The following DCHS1 variants were observed in gnomAD, a reference collection of about 807,000 sequenced individuals.
The protein encoded by DCHS1 is protocadherin-16.
In DCHS1, 78 loss-of-function variants were observed where a neutral mutation model predicts 213.9. That is an observed-to-expected ratio of 0.36 (90% confidence interval 0.30 to 0.44). DCHS1 has a LOEUF of 0.44. DCHS1 is among the 20% of genes least tolerant of loss of function. DCHS1 has a pLI of 1.00. For missense variants in DCHS1, 3,946 were observed against 4,395.9 expected (o/e 0.90, Z 2.89); for synonymous variants, 1,828 against 1,873.7 (o/e 0.98, Z 0.63).
At chr11:6,648,771 AAGGACAATAATAATAC>A in intron 1 of DCHS1, among the ~76,000 whole-genome samples, 2 of 152,324 alleles carry the variant, frequency 1.3e-5, no homozygotes, top group East Asian at 3.9e-4. Context: ...ATTTATAAAT[AAGGACAATAATAATAC>A]CTACTACATT....
chr11:6,643,079 C>A (rs538430203), intron 1 of DCHS1, among the ~76,000 whole-genome samples: 1 of 152,086 alleles, frequency 6.6e-6, no homozygotes, highest in East Asian at 1.9e-4. Flanking sequence ...TGTCCTTAAC[C>A]GCTCAGAAAG....
rs751738610 is a variant in DCHS1, at chr11:6,623,398, G to C, written c.8278C>G (p.Leu2760Val). 3.8e-6 allele frequency: 6 copies of C among 1,596,064 alleles called. No homozygotes were observed. The South Asian group carries it at 5.7e-5, about 15-fold the overall frequency. ...CGCAACTCCCCTGTTGAGCTGTTCAGTGCAAATGCCTCACGGCCCTCAGGT... is the reference window on the plus strand; with the variant it reads ...CGCAACTCCCCTGTTGAGCTGTTCACTGCAAATGCCTCACGGCCCTCAGGT... The part of the protein sequence containing the change: ...PGPEGREAFA[L>V]NSSTGELRAR... The change falls in exon 21 of 21, where the codon CTG (leucine) becomes GTG (valine). Residue 2760 changes from leucine to valine, a missense_variant. By Grantham distance (32) the Leu-to-Val change is conservative. Coordinates refer to ENST00000299441, the MANE Select transcript of DCHS1 (RefSeq NM_003737.4).
rs200440963 is a variant in DCHS1 at position 6,632,036 on chromosome 11, T to G, written c.3476A>C (p.Gln1159Pro). 23 of 1,511,938 alleles carry G rather than the reference T, an allele frequency of 1.5e-5. No homozygotes were observed. The highest frequency in any genetic ancestry group is 1.9e-5 in the Non-Finnish European group (21 of 1,132,590). The allele number at this position is 1,511,938 out of a possible 1,614,324, so 93.7% of individuals were successfully genotyped here. ...EDSKAFRIHP[Q>P]TGEVTTLQTL... is the part of the protein sequence containing the mutation. Reference sequence around the variant, plus strand: ...ATTTGGGTCTCTGTGCTCACCAGTCTGGGGGTGGATGCGGAAGGCCTTGCT... The same window carrying G: ...ATTTGGGTCTCTGTGCTCACCAGTCGGGGGGTGGATGCGGAAGGCCTTGCT... Residue 1159 changes from glutamine (Q) to proline (P), a missense_variant, in exon 6 of 21, where the codon CAG becomes CCG. Around this residue, in one of 3 missense-constraint regions of DCHS1, gnomAD observed 3,384 missense variants for 3,780.1 expected, o/e 0.90. Transcript: ENST00000299441. This position sits in a 1 kb window ranked among gnomAD's most constrained non-coding sequence, Gnocchi z 5.9.
rs1855945062 is a variant in DCHS1 at position 6,633,571 on chromosome 11, C to A, written c.2296G>T (p.Gly766Cys). Residue 766 changes from glycine to cysteine, a missense_variant, in exon 5 of 21, where the codon GGT becomes TGT. Around this residue, in one of 3 missense-constraint regions of DCHS1, gnomAD observed 3,384 missense variants for 3,780.1 expected, o/e 0.90. Coordinates refer to ENST00000299441, the MANE Select transcript of DCHS1 (RefSeq NM_003737.4). ...GCACTGGGTTCTGCCTGTAGGCCAC[C>A]TCCGTCCTCAGCCCCGATCTCCAGC... ...VQLEIGAEDGGGLQAEPSARV... is the reference protein window; with the variant it reads ...VQLEIGAEDGCGLQAEPSARV... 6.3e-7 allele frequency: 1 copy of A among 1,592,788 alleles called. No individual in the cohort carries two copies. Among genetic ancestry groups the A allele is most frequent in the Non-Finnish European group, 8.5e-7 (1 of 1,169,664 alleles).
chr11:6,632,631 C>T lies in DCHS1; in HGVS notation c.2881G>A (p.Gly961Arg), dbSNP rs1855929826. ...RLMRPLGPSG[G>R]PAHELELEAR... ...TCCAGCTCCAGCTCATGGGCTGGCC[C>T]TCCTGAGGGCCCCAGAGGCCTCATA... Residue 961 changes from glycine (G) to arginine (R), a missense_variant, in exon 6 of 21, where the codon GGG (glycine) becomes AGG (arginine). Coordinates refer to ENST00000299441, the MANE Select transcript of DCHS1 (RefSeq NM_003737.4). The surrounding 1 kb of genome is among the most constrained non-coding windows in gnomAD (Gnocchi z 5.9). The T allele has an allele frequency of 1.9e-6, 3 of 1,550,270 alleles. No homozygotes were observed. The South Asian group carries it at 3.5e-5, about 18-fold the overall frequency.
chr11:6,623,059 C>A lies in DCHS1; in HGVS notation c.8617G>T (p.Asp2873Tyr). Reference sequence around the variant, plus strand: ...GTTCCGCTGCCTGGTGCCCGACTGTCCACCCGCAGGTACAGGGCTCCTGTA... The same window carrying A: ...GTTCCGCTGCCTGGTGCCCGACTGTACACCCGCAGGTACAGGGCTCCTGTA... The part of the protein sequence containing the change: ...QTTGALYLRV[D>Y]SRAPGSGTAT... The change falls in exon 21 of 21, where the codon GAC (aspartate) becomes TAC (tyrosine). Residue 2873 changes from aspartate to tyrosine, a missense_variant. Physicochemically the swap from Asp to Tyr is radical, Grantham distance 160. This residue lies in a region of DCHS1 where 554 missense variants were observed against 590.2 expected (regional missense o/e 0.94). Coordinates refer to ENST00000299441, the MANE Select transcript of DCHS1 (RefSeq NM_003737.4). 6.3e-7 allele frequency: 1 copy of A among 1,582,582 alleles called. No homozygotes were observed. Among genetic ancestry groups the A allele is most frequent in the South Asian group, 1.2e-5 (1 of 86,830 alleles).
At position 6,629,751 on chromosome 11, in the gene DCHS1, C is replaced by G. The variant is rs765972502; in HGVS notation, c.4956G>C (p.Gln1652His). 6.2e-6 allele frequency: 10 copies of G among 1,613,886 alleles called. No homozygotes were observed. The South Asian group carries it at 1.1e-4, about 18-fold the overall frequency. Residue 1652 changes from glutamine to histidine, a missense_variant, in exon 11 of 21, where the codon CAG becomes CAC. Gln to His is a conservative substitution (Grantham distance 24, BLOSUM62 0). Around this residue, in one of 3 missense-constraint regions of DCHS1, gnomAD observed 3,384 missense variants for 3,780.1 expected, o/e 0.90. Transcript: ENST00000299441. ...TCTCACGCAAGAGGACGCTGTACTCCTGCTGCTGGAAAGTAGGCGCCTCGT... is the reference window on the plus strand; with the variant it reads ...TCTCACGCAAGAGGACGCTGTACTCGTGCTGCTGGAAAGTAGGCGCCTCGT... Reference protein sequence around the residue: ...VNDEAPTFQQQEYSVLLRENN... With the variant: ...VNDEAPTFQQHEYSVLLRENN...
chr11:6,622,705 G>C lies in DCHS1; in HGVS notation c.8971C>G (p.Arg2991Gly). The C allele has an allele frequency of 1.3e-6, 2 of 1,592,128 alleles. No individual in the cohort carries two copies. Among genetic ancestry groups the C allele is most frequent in the Non-Finnish European group, 1.7e-6 (2 of 1,169,576 alleles). ...GAGGGTGGTGGACTAGGTGGCTCCC[G>C]GCCCAGTTTCTGCAGTGAGTCACTG... ...LASDSLQKLG[R>G]EPPSPPPSEH... The change falls in exon 21 of 21, where the codon CGG (arginine) becomes GGG (glycine). Residue 2991 changes from arginine to glycine, a missense_variant. Physicochemically the swap from Arg to Gly is moderately radical, Grantham distance 125. Around this residue, in one of 3 missense-constraint regions of DCHS1, gnomAD observed 554 missense variants for 590.2 expected, o/e 0.94. Transcript: ENST00000299441. This position sits in a 1 kb window ranked among gnomAD's most constrained non-coding sequence, Gnocchi z 5.4.
rs781273126 is a variant in DCHS1 at position 6,623,001 on chromosome 11, C to T, written c.8675G>A (p.Arg2892Gln). 78 of 1,569,662 alleles carry T rather than the reference C, an allele frequency of 5.0e-5. No homozygotes were observed. Among genetic ancestry groups the T allele is most frequent in the Non-Finnish European group, 6.1e-5 (71 of 1,158,036 alleles). The change falls in exon 21 of 21, where the codon CGG becomes CAG. Residue 2892 changes from arginine to glutamine, a missense_variant. Arg to Gln is a conservative substitution (Grantham distance 43). Coordinates refer to ENST00000299441, the MANE Select transcript of DCHS1 (RefSeq NM_003737.4). ...ATSGGGGRTR[R>Q]EAPRELRLEV... ...CAGCCTCAGCTCCCGTGGTGCTTCC[C>T]GCCGGGTCCGGCCCCCACCCCCAGA...
Position 6,640,285 on chromosome 11 carries a change from T to C in DCHS1, c.1329A>G (p.Thr443=), listed in dbSNP as rs1856048049. 18 of 1,608,484 alleles carry C rather than the reference T, an allele frequency of 1.1e-5. No individual in the cohort carries two copies. Among genetic ancestry groups the C allele is most frequent in the Non-Finnish European group, 1.5e-5 (18 of 1,177,592 alleles). The change falls in exon 2 of 21, where the codon ACA becomes ACG. Residue 443 remains threonine, a synonymous_variant. Coordinates refer to ENST00000299441, the MANE Select transcript of DCHS1 (RefSeq NM_003737.4). This position sits in a 1 kb window ranked among gnomAD's most constrained non-coding sequence, Gnocchi z 6.5. ...EERDAYNLRV[T]ATDSGSPPLR... is the part of the protein sequence containing the mutation. Reference sequence around the variant, plus strand: ...GTGGAGGTGAGCCTGAGTCTGTGGCTGTAACCCTCAAGTTATAGGCATCCC... The same window carrying C: ...GTGGAGGTGAGCCTGAGTCTGTGGCCGTAACCCTCAAGTTATAGGCATCCC...
At chr11:6,650,234 G>A (rs1277716544) in intron 1 of DCHS1, among the ~76,000 whole-genome samples, 2 of 152,140 alleles carry the variant, frequency 1.3e-5, no homozygotes, top group African/African-American at 4.8e-5. Context: ...AAAATAACAA[G>A]GACACTGCAG....
rs1486409099 is a variant in DCHS1 at position 6,634,032 on chromosome 11, T to C, written c.1987-12A>G. ...GACTTGAGGCCTCCCTGGTGGGACA[T>C]GCAGCCATAGGTCAGGTGGGCCTCA... On this transcript the variant is annotated splice_polypyrimidine_tract_variant and intron_variant, in intron 3 of 20. Transcript: ENST00000299441. 1 of 1,612,702 alleles carries C rather than the reference T, an allele frequency of 6.2e-7. No individual in the cohort carries two copies. The highest frequency in any genetic ancestry group is 1.7e-4 in the Middle Eastern group (1 of 6,054).
chr11:6,622,868 T>G lies in DCHS1; in HGVS notation c.8808A>C (p.Leu2936=), dbSNP rs542272752. 1 of 1,596,920 alleles carries G rather than the reference T, an allele frequency of 6.3e-7. No individual in the cohort carries two copies. Among genetic ancestry groups the G allele is most frequent in the Non-Finnish European group, 8.5e-7 (1 of 1,171,960 alleles). ...ALGLAPDLNL[L]LVGAVAASLG... ...AGGAGGCTGCCACGGCCCCTACTAATAGCAGGTTGAGGTCAGGTGCCAGGC... is the reference window on the plus strand; with the variant it reads ...AGGAGGCTGCCACGGCCCCTACTAAGAGCAGGTTGAGGTCAGGTGCCAGGC... Residue 2936 remains leucine, a synonymous_variant, in exon 21 of 21, where the codon CTA becomes CTC. Coordinates refer to ENST00000299441, the MANE Select transcript of DCHS1 (RefSeq NM_003737.4). This position sits in a 1 kb window ranked among gnomAD's most constrained non-coding sequence, Gnocchi z 5.4.
In DCHS1 at chr11:6,626,827, G is replaced by T. The variant is rs765057304; in HGVS notation, c.6212C>A (p.Ala2071Asp). The T allele has an allele frequency of 1.9e-6, 3 of 1,613,102 alleles. No homozygotes were observed. Among genetic ancestry groups the T allele is most frequent in the East Asian group, 2.2e-5 (1 of 44,874 alleles). The change falls in exon 14 of 21, where the codon GCT (alanine) becomes GAT (aspartate). Residue 2071 changes from alanine (A) to aspartate (D), a missense_variant. Transcript: ENST00000299441. The surrounding 1 kb of genome is among the most constrained non-coding windows in gnomAD (Gnocchi z 5.2). ...EAERGPRFPRASSEATIRENA... is the reference protein window; with the variant it reads ...EAERGPRFPRDSSEATIRENA... The stretch of plus-strand genomic sequence containing the variant: ...CTCACGAATCGTAGCCTCACTGCTA[G>T]CCCGGGGAAAGCGGGGTCCACGCTC...
rs1589957145 is a variant in DCHS1, at chr11:6,632,462, G to A, written c.3050C>T (p.Thr1017Ile). The A allele has an allele frequency of 1.9e-6, 3 of 1,595,078 alleles. No homozygotes were observed. The highest frequency in any genetic ancestry group is 2.6e-6 in the Non-Finnish European group (3 of 1,168,500). The change falls in exon 6 of 21, where the codon ACT (threonine) becomes ATT (isoleucine). Residue 1017 changes from threonine (T) to isoleucine (I), a missense_variant. Thr to Ile is a moderately conservative substitution (Grantham distance 89, BLOSUM62 -1). This residue lies in a region of DCHS1 where 3,384 missense variants were observed against 3,780.1 expected (regional missense o/e 0.90). Coordinates refer to ENST00000299441, the MANE Select transcript of DCHS1 (RefSeq NM_003737.4). This position sits in a 1 kb window ranked among gnomAD's most constrained non-coding sequence, Gnocchi z 5.9. ...VDLPSGTTAG[T>I]QVLQVQAQAP... ...TTGGGCCTGCACTTGCAGGACCTGA[G>A]TTCCAGCAGTGGTGCCTGAGGGCAG... is the stretch of plus-strand genomic sequence containing the variant.
chr11:6,628,509 A>T lies in DCHS1; in HGVS notation c.5371+112T>A. On this transcript the variant is annotated intron_variant, in intron 13 of 20. Coordinates refer to ENST00000299441, the MANE Select transcript of DCHS1 (RefSeq NM_003737.4). This position sits in a 1 kb window ranked among gnomAD's most constrained non-coding sequence, Gnocchi z 4.3. The stretch of plus-strand genomic sequence containing the variant: ...AAGCATGAAAGAAAAGGTGGACGAC[A>T]TCAAGAGGGAAAAGGAGACCCAGAC... The T allele has an allele frequency of 8.3e-7, 1 of 1,211,712 alleles. No individual in the cohort carries two copies. Among genetic ancestry groups the T allele is most frequent in the Non-Finnish European group, 1.2e-6 (1 of 834,484 alleles). 75.1% of individuals were successfully genotyped at this position (1,211,712 alleles called of 1,614,324 possible). A position where few individuals can be genotyped will look rare whatever the true frequency, so the allele number is the denominator to read the frequency against.
chr11:6,632,879 G>A lies in DCHS1; in HGVS notation c.2633C>T (p.Ala878Val), dbSNP rs1438963916. The A allele has an allele frequency of 6.2e-7, 1 of 1,614,052 alleles. No individual in the cohort carries two copies. Among genetic ancestry groups the A allele is most frequent in the Non-Finnish European group, 8.5e-7 (1 of 1,179,898 alleles). Residue 878 changes from alanine (A) to valine (V), a missense_variant, in exon 6 of 21, where the codon GCT becomes GTT. This residue lies in a region of DCHS1 where 3,384 missense variants were observed against 3,780.1 expected (regional missense o/e 0.90). Coordinates refer to ENST00000299441, the MANE Select transcript of DCHS1 (RefSeq NM_003737.4). This position sits in a 1 kb window ranked among gnomAD's most constrained non-coding sequence, Gnocchi z 5.9. ...GSGVPPAFAV[A>V]RVRVLLDDVN... Reference sequence around the variant, plus strand: ...ATCATCCAGCAGCACACGCACCCGAGCTACAGCGAAAGCTGGGGGCACTCC... The same window carrying A: ...ATCATCCAGCAGCACACGCACCCGAACTACAGCGAAAGCTGGGGGCACTCC...
In DCHS1 at chr11:6,633,490, G is replaced by A; in HGVS notation, c.2377C>T (p.Leu793=). The A allele has an allele frequency of 6.3e-7, 1 of 1,580,544 alleles. No homozygotes were observed. Among genetic ancestry groups the A allele is most frequent in the Non-Finnish European group, 8.6e-7 (1 of 1,162,540 alleles). ...GTPTPPIFEQ[L]QYVFSVPEDV... Reference sequence around the variant, plus strand: ...TCTGGCACAGAAAAAACATACTGTAGTTGCTCAAATATGGGTGGTGTGGGG... The same window carrying A: ...TCTGGCACAGAAAAAACATACTGTAATTGCTCAAATATGGGTGGTGTGGGG... The change falls in exon 5 of 21, where the codon CTA becomes TTA. Residue 793 remains leucine, a synonymous_variant. Coordinates refer to ENST00000299441, the MANE Select transcript of DCHS1 (RefSeq NM_003737.4).
In DCHS1 at chr11:6,622,291, G is replaced by T. The variant is rs1304171745; in HGVS notation, c.9385C>A (p.Pro3129Thr). ...GCTGGGAAGCCATAGTCCCCAGTGG[G>T]TGCAGGGCTCAGGCCACAGCCCCCC... ...FLGGCGLSPA[P>T]TGDYGFPADG... The change falls in exon 21 of 21, where the codon CCC (proline) becomes ACC (threonine). Residue 3129 changes from proline (P) to threonine (T), a missense_variant. Pro to Thr is a conservative substitution (Grantham distance 38, BLOSUM62 -1). Around this residue, in one of 3 missense-constraint regions of DCHS1, gnomAD observed 554 missense variants for 590.2 expected, o/e 0.94. Transcript: ENST00000299441. The surrounding 1 kb of genome is among the most constrained non-coding windows in gnomAD (Gnocchi z 5.4). The T allele has an allele frequency of 6.2e-7, 1 of 1,607,342 alleles. No individual in the cohort carries two copies. The highest frequency in any genetic ancestry group is 8.5e-7 in the Non-Finnish European group (1 of 1,177,414).
Sources: allele counts gnomAD v4.1 joint callset (sites outside exome capture counted in the v4.1 genomes callset), GRCh38; gene constraint gnomAD v4.1.1; regional missense constraint gnomAD v4.1.1; non-coding constraint Gnocchi (gnomAD v3.1); transcripts MANE v1.5; gene names NCBI Gene and HGNC (gene_info 2026-07-23, HGNC 2026-07-21).